Variants in SFMBT1 observed in about 807,000 individuals in gnomAD.
SFMBT1 encodes the protein scm-like with four MBT domains protein 1.
Under a neutral mutation model 108.7 loss-of-function variants are expected in SFMBT1, and 32 were observed. The ratio of observed to expected loss-of-function variants is 0.29; its 90% CI spans 0.22 to 0.40. The LOEUF (loss-of-function observed/expected upper bound fraction) is 0.40, where lower values mean the gene tolerates loss of function less well. Ranked by LOEUF, SFMBT1 falls within the 10% of genes least tolerant of loss-of-function variation. SFMBT1 has a pLI of 1.00. For missense variants in SFMBT1, 816 were observed against 1,059.6 expected (o/e 0.77, Z 3.19); for synonymous variants, 348 against 369.5 (o/e 0.94, Z 0.67).
intron 1 of SFMBT1, among the ~76,000 whole-genome samples, chr3:52,997,745 T>C (rs1575427669): frequency 6.7e-6 from 1 of 150,322 alleles, no homozygotes; most frequent in South Asian, 2.1e-4. Context: ...CAGGATGCAT[T>C]GTCTGTAAAT....
chr3:52,907,557 G>C lies in SFMBT1; in HGVS notation c.2083C>G (p.Gln695Glu), dbSNP rs1430688348. 6.2e-7 allele frequency: 1 copy of C among 1,612,302 alleles called. No individual in the cohort carries two copies. Among genetic ancestry groups the C allele is most frequent in the Non-Finnish European group, 8.5e-7 (1 of 1,179,250 alleles). ...SVDNTPAGSP[Q>E]GSGGEDEDDP... is the part of the protein sequence containing the mutation. ...CAGGCACATCACAGATCTCATACCT[G>C]GGGAGAGCCCGCTGGGGTATTATCA... The change falls in exon 18 of 21, where the codon CAG becomes GAG. Residue 695 changes from glutamine (Q) to glutamate (E), a missense_variant and splice_region_variant. Physicochemically the swap from Gln to Glu is conservative, Grantham distance 29 (BLOSUM62 2). Transcript: ENST00000394752.
chr3:53,006,440 C>A (rs11711773), intron 1 of SFMBT1, among the ~76,000 whole-genome samples: 10,965 of 152,080 alleles, frequency 0.072, 453 homozygotes, highest in Non-Finnish European at 0.095. Context: ...ACCAGCCTGA[C>A]CATCATGGTG....
Position 52,904,869 on chromosome 3 carries a change from T to A in SFMBT1, c.*267A>T. 2.9e-6 allele frequency: 1 copy of A among 343,080 alleles called. No homozygotes were observed. The allele number at this position is 343,080 out of a possible 1,614,324, so 21.3% of individuals were successfully genotyped here. A position where few individuals can be genotyped will look rare whatever the true frequency, so the allele number is the denominator to read the frequency against. Reference sequence around the variant, plus strand: ...ACCACTGGAAATGCTTTTCTTCTTATATAAGTCTTTTCCTCACAACCTTTA... The same window carrying A: ...ACCACTGGAAATGCTTTTCTTCTTAAATAAGTCTTTTCCTCACAACCTTTA... On this transcript the variant is annotated 3_prime_UTR_variant, in exon 21 of 21. Transcript: ENST00000394752.
intron 1 of SFMBT1, among the ~76,000 whole-genome samples, chr3:52,987,468 T>C (rs1315473695): frequency 2.0e-5 from 3 of 152,122 alleles, no homozygotes; most frequent in Admixed American, 6.5e-5. Context: ...ATTATAACTG[T>C]ATGGGACCAC....
At chr3:52,961,665 G>C (rs1225618304) in intron 2 of SFMBT1, among the ~76,000 whole-genome samples, 2 of 152,082 alleles carry the variant, frequency 1.3e-5, no homozygotes, top group Non-Finnish European at 2.9e-5. Flanking sequence ...TTTATGCTAG[G>C]CACATGATTG....
At chr3:52,971,571 C>T (rs1245502601) in intron 1 of SFMBT1, among the ~76,000 whole-genome samples, 1 of 152,206 alleles carries the variant, frequency 6.6e-6, no homozygotes, top group African/African-American at 2.4e-5. Flanking sequence ...ACACCAGCTC[C>T]TTACCAACCA....
chr3:52,906,077 G>A, intron 20 of SFMBT1, 36 bp downstream of exon 20: 1 of 1,608,632 alleles, frequency 6.2e-7, no homozygotes, highest in Non-Finnish European at 8.5e-7. Flanking sequence ...TATTGCTAAA[G>A]AGACATTACT....
intron 2 of SFMBT1, among the ~76,000 whole-genome samples, chr3:52,959,099 G>C (rs1436616351): frequency 1.3e-5 from 2 of 151,850 alleles, no homozygotes; most frequent in Non-Finnish European, 2.9e-5. Context: ...ACACATCGGG[G>C]GGAAAAGCAT....
rs927468863 is a variant in SFMBT1, at chr3:52,913,459, C to T, written c.1620+19G>A. 1 of 1,604,478 alleles carries T rather than the reference C, an allele frequency of 6.2e-7. No homozygotes were observed. The highest frequency in any genetic ancestry group is 1.1e-5 in the South Asian group (1 of 89,014). ...GCTGTGAAATTTCCAAGTTATTTTGCTCTAGGCCAGAACCTTACCTCTCTA... is the reference window on the plus strand; with the variant it reads ...GCTGTGAAATTTCCAAGTTATTTTGTTCTAGGCCAGAACCTTACCTCTCTA... On this transcript the variant is annotated intron_variant, in intron 15 of 20. Transcript: ENST00000394752.
chr3:52,952,736 A>G (rs73839725), intron 3 of SFMBT1, among the ~76,000 whole-genome samples: 1,980 of 152,298 alleles, frequency 0.013, 53 homozygotes, highest in African/African-American at 0.046. Context: ...ATTCATGAGA[A>G]AAAACCTTTA....
intron 4 of SFMBT1, among the ~76,000 whole-genome samples, chr3:52,939,900 CCTT>C (rs1367470297): frequency 1.3e-5 from 2 of 151,774 alleles, no homozygotes; most frequent in Non-Finnish European, 2.9e-5. Flanking sequence ...TCAAATCTTC[CCTT>C]TTTTAATCCT....
intron 2 of SFMBT1, among the ~76,000 whole-genome samples, chr3:52,962,960 T>C (rs1463992898): frequency 1.3e-5 from 2 of 148,302 alleles, no homozygotes; most frequent in African/African-American, 2.5e-5. Context: ...GAGAAAGAAT[T>C]AGTAATATCA....
Position 52,916,187 on chromosome 3 carries a change from C to A in SFMBT1, c.1443G>T (p.Glu481Asp), listed in dbSNP as rs149793544. The A allele has an allele frequency of 6.4e-5, 104 of 1,613,908 alleles. No homozygotes were observed. Among genetic ancestry groups the A allele is most frequent in the Non-Finnish European group, 8.5e-5 (100 of 1,179,982 alleles). The change falls in exon 14 of 21, where the codon GAG (glutamate) becomes GAT (aspartate). Residue 481 changes from glutamate to aspartate, a missense_variant. By Grantham distance (45) the Glu-to-Asp change is conservative. Around this residue, in one of 5 missense-constraint regions of SFMBT1, gnomAD observed 495 missense variants for 607.4 expected, o/e 0.81. Coordinates refer to ENST00000394752, the MANE Select transcript of SFMBT1 (RefSeq NM_016329.4). ...AGTTCAGCTCCTGATTCCTCAGGCC[C>A]TCGTGGACAGTCCTCGAGGATGGTA... ...KQVPSSRTVH[E>D]GLRNQELNST...
chr3:53,027,890 A>T (rs1699551284), intron 1 of SFMBT1, among the ~76,000 whole-genome samples: 2 of 152,192 alleles, frequency 1.3e-5, no homozygotes, highest in South Asian at 4.1e-4. Flanking sequence ...GTGAAAACTC[A>T]GACCTTGGTG....
At position 52,905,030 on chromosome 3, in the gene SFMBT1, C is replaced by G. The variant is rs1702030313; in HGVS notation, c.*106G>C. 1.4e-6 allele frequency: 2 copies of G among 1,468,882 alleles called. No homozygotes were observed. Among genetic ancestry groups the G allele is most frequent in the East Asian group, 4.8e-5 (2 of 41,848 alleles). 91.0% of individuals were successfully genotyped at this position (1,468,882 alleles called of 1,614,324 possible). On this transcript the variant is annotated 3_prime_UTR_variant, in exon 21 of 21. Coordinates refer to ENST00000394752, the MANE Select transcript of SFMBT1 (RefSeq NM_016329.4). ...AAGTGCAAAGAGAGCAAGCTGATAC[C>G]TGCAGGCCCCAGAGCCCCAGGACTA...
At position 52,969,530 on chromosome 3, in the gene SFMBT1, G is replaced by A. The variant is rs149375877; in HGVS notation, c.-130-272C>T. ...ACTCACAACAAAGTAAGATGCATAT[G>A]AATCATTACCCTTTAAATTTACATT... is the stretch of plus-strand genomic sequence containing the variant. On this transcript the variant is annotated intron_variant, in intron 1 of 20. Transcript: ENST00000394752. Among the ~76,000 whole-genome samples the A allele has an allele frequency of 6.1e-3, 930 of 152,296 alleles. 81 individuals are homozygous for A. The South Asian group carries it at 0.17, about 28-fold the overall frequency.
At position 52,967,672 on chromosome 3, in the gene SFMBT1, C is replaced by T. The variant is rs182113733; in HGVS notation, c.28+1429G>A. Among the ~76,000 whole-genome samples the T allele has an allele frequency of 3.9e-5, 6 of 152,260 alleles. No homozygotes were observed. The East Asian group carries it at 1.2e-3, about 29-fold the overall frequency. Reference sequence around the variant, plus strand: ...ATAATGAGCCAAAGACATGAAGAGACATTTCACTGACGAGGATATGCAGAT... The same window carrying T: ...ATAATGAGCCAAAGACATGAAGAGATATTTCACTGACGAGGATATGCAGAT... On this transcript the variant is annotated intron_variant, in intron 2 of 20. Coordinates refer to ENST00000394752, the MANE Select transcript of SFMBT1 (RefSeq NM_016329.4).
At chr3:52,945,166 A>T (rs990207133) in intron 3 of SFMBT1, among the ~76,000 whole-genome samples, 5 of 148,522 alleles carry the variant, frequency 3.4e-5, no homozygotes, top group African/African-American at 4.9e-5. Context: ...GACTTCAGGG[A>T]AAAAAGCTTA....
At chr3:53,010,151 G>A (rs1296727620) in intron 1 of SFMBT1, among the ~76,000 whole-genome samples, 1 of 152,098 alleles carries the variant, frequency 6.6e-6, no homozygotes, top group Non-Finnish European at 1.5e-5. Context: ...TGAAAAGGAA[G>A]GATGTTTTAA....
Sources: allele counts gnomAD v4.1 joint callset (sites outside exome capture counted in the v4.1 genomes callset), GRCh38; gene constraint gnomAD v4.1.1; regional missense constraint gnomAD v4.1.1; transcripts MANE v1.5; gene names NCBI Gene and HGNC (gene_info 2026-07-23, HGNC 2026-07-21).